The following PCSK6 variants were observed in gnomAD, a reference collection of about 807,000 sequenced individuals.
PCSK6 encodes the protein proprotein convertase subtilisin/kexin type 6.
In PCSK6, 85 loss-of-function variants were observed where a neutral mutation model predicts 123.3. The ratio of observed to expected loss-of-function variants is 0.69; its 90% confidence interval spans 0.58 to 0.83. The LOEUF (loss-of-function observed/expected upper bound fraction) is 0.83, where lower values mean the gene tolerates loss of function less well. PCSK6 is among the 40% of genes least tolerant of loss of function. PCSK6 has a pLI of 0.00. For synonymous variants in PCSK6, 508 were observed against 516.0 expected (o/e 0.98, Z 0.21); for missense variants, 1,191 against 1,282.3 (o/e 0.93, Z 1.09).
At chr15:101,419,877 C>G (rs1385186881) in intron 6 of PCSK6, among the ~76,000 whole-genome samples, 2 of 151,800 alleles carry the variant, frequency 1.3e-5, no homozygotes, top group Non-Finnish European at 2.9e-5. Context: ...GAAATAAATT[C>G]CATATGGATC....
At chr15:101,482,305 T>C (rs973720848) in intron 1 of PCSK6, among the ~76,000 whole-genome samples, 7 of 152,126 alleles carry the variant, frequency 4.6e-5, no homozygotes, top group Non-Finnish European at 1.0e-4. Context: ...TTCGGAGCAA[T>C]AGTCAGGAGA....
At chr15:101,476,645 A>G (rs1417471738) in intron 1 of PCSK6, among the ~76,000 whole-genome samples, 1 of 152,126 alleles carries the variant, frequency 6.6e-6, no homozygotes, top group Non-Finnish European at 1.5e-5. Flanking sequence ...CAGGACACAT[A>G]TACTAATGTG....
At chr15:101,332,583 TGA>T (rs1459861598) in intron 13 of PCSK6, among the ~76,000 whole-genome samples, 32 of 152,194 alleles carry the variant, frequency 2.1e-4, no homozygotes, top group Middle Eastern at 3.4e-3. Context: ...CCCAGGACAG[TGA>T]GGGATGTTCT....
chr15:101,389,324 G>A, intron 9 of PCSK6, 140 bp downstream of exon 9: 1 of 673,138 alleles, frequency 1.5e-6, no homozygotes, highest in South Asian at 1.7e-5. Flanking sequence ...GAGGGATGGT[G>A]GTGCAGGTGC....
At chr15:101,313,642 G>T in intron 19 of PCSK6, 137 bp from the exon 20 acceptor site, 1 of 1,346,918 alleles carries the variant, frequency 7.4e-7, no homozygotes, top group Non-Finnish European at 9.9e-7. Context: ...CCATTTCCCA[G>T]GTTCTGTGAG....
intron 6 of PCSK6, among the ~76,000 whole-genome samples, chr15:101,413,496 G>A (rs914008692): frequency 9.2e-5 from 14 of 151,920 alleles, no homozygotes; most frequent in Non-Finnish European, 1.5e-4. Context: ...AAATACAGAG[G>A]AAAATAATAG....
chr15:101,395,540 C>T (rs577127398), intron 7 of PCSK6, among the ~76,000 whole-genome samples: 27 of 152,266 alleles, frequency 1.8e-4, no homozygotes, highest in African/African-American at 4.6e-4. Flanking sequence ...GGAAATGAGG[C>T]GAGGAAACAG....
At chr15:101,384,123 C>T in intron 10 of PCSK6, 199 bp downstream of exon 10, 1 of 1,378,564 alleles carries the variant, frequency 7.3e-7, no homozygotes, top group Non-Finnish European at 9.4e-7. Flanking sequence ...CTCTTGTGAC[C>T]TGAGGGTTCT....
intron 1 of PCSK6, among the ~76,000 whole-genome samples, chr15:101,456,962 G>A (rs2412009): frequency 0.72 from 110,104 of 151,886 alleles, 40,816 homozygotes; most frequent in Non-Finnish European, 0.82. Flanking sequence ...ACCTGGGGTC[G>A]GGATTTCGAG....
At chr15:101,317,698 T>C (rs1478419894) in intron 19 of PCSK6, among the ~76,000 whole-genome samples, 1 of 152,220 alleles carries the variant, frequency 6.6e-6, no homozygotes, top group Admixed American at 6.5e-5. Context: ...AGATGGCTTA[T>C]GAGTGGTGAG....
At chr15:101,415,630 T>C (rs920958101) in intron 6 of PCSK6, among the ~76,000 whole-genome samples, 8 of 152,310 alleles carry the variant, frequency 5.3e-5, no homozygotes, top group East Asian at 3.9e-4. Flanking sequence ...AACACTGATA[T>C]GGTTTGGCTG....
At position 101,442,440 on chromosome 15, in the gene PCSK6, T is replaced by C. The variant is rs568405753; in HGVS notation, c.402+1116A>G. ...GCTCCATGGGGACCACTTCCTCATA[T>C]GCTTCAAATCAAAACCCTCACCATG... On this transcript the variant is annotated intron_variant, in intron 2 of 21. Coordinates refer to ENST00000611716, the MANE Select transcript of PCSK6 (RefSeq NM_002570.5). 2.8e-4 allele frequency among the ~76,000 whole-genome samples: 42 copies of C among 152,268 alleles called. 1 individual carries two copies. In the East Asian group the frequency reaches 7.9e-3, roughly 29 times the overall value.
rs751816504 is a variant in PCSK6 at position 101,332,070 on chromosome 15, C to T, written c.1859-39G>A. 6.5e-6 allele frequency: 10 copies of T among 1,537,998 alleles called. No homozygotes were observed. The South Asian group carries it at 7.4e-5, about 11-fold the overall frequency. On this transcript the variant is annotated intron_variant, in intron 13 of 21. Transcript: ENST00000611716. ...AACCCACAGAGTTACCTGCCTGTGC[C>T]AAGACCTCTGTCACTCACAGAAATA...
At position 101,339,289 on chromosome 15, in the gene PCSK6, T is replaced by C. The variant is rs1407964201; in HGVS notation, c.1859-7258A>G. 3.3e-5 allele frequency among the ~76,000 whole-genome samples: 5 copies of C among 152,262 alleles called. No individual in the cohort carries two copies. In the East Asian group the frequency reaches 9.6e-4, roughly 29 times the overall value. On this transcript the variant is annotated intron_variant, in intron 13 of 21. Transcript: ENST00000611716. ...TCCCCCTATGTCCCCATACTTAAAATATGCAGGAAGAAATTCCTTAATTGA... is the reference window on the plus strand; with the variant it reads ...TCCCCCTATGTCCCCATACTTAAAACATGCAGGAAGAAATTCCTTAATTGA...
intron 2 of PCSK6, among the ~76,000 whole-genome samples, chr15:101,435,513 C>T (rs978142149): frequency 2.0e-5 from 3 of 152,216 alleles, no homozygotes; most frequent in Admixed American, 1.3e-4. Flanking sequence ...ATTTCTTTAA[C>T]GTCATACTTT....
At chr15:101,335,777 T>C (rs2040464215) in intron 13 of PCSK6, among the ~76,000 whole-genome samples, 1 of 152,216 alleles carries the variant, frequency 6.6e-6, no homozygotes, top group Admixed American at 6.5e-5. Context: ...GGATACCTCC[T>C]GAGAAATGCA....
chr15:101,417,039 C>T (rs1490009970), intron 6 of PCSK6, among the ~76,000 whole-genome samples: 1 of 152,182 alleles, frequency 6.6e-6, no homozygotes, highest in Non-Finnish European at 1.5e-5. Flanking sequence ...TCCTCCAGAC[C>T]CCAGAATAGT....
At chr15:101,361,226 C>G (rs2041213704) in intron 13 of PCSK6, among the ~76,000 whole-genome samples, 1 of 142,456 alleles carries the variant, frequency 7.0e-6, no homozygotes, top group African/African-American at 2.6e-5. Context: ...CTCTAGTGAT[C>G]TGGAAGGTTG....
At chr15:101,479,131 G>A (rs1471228282) in intron 1 of PCSK6, among the ~76,000 whole-genome samples, 4 of 152,190 alleles carry the variant, frequency 2.6e-5, no homozygotes, top group Non-Finnish European at 4.4e-5. Flanking sequence ...CACCCCGCAC[G>A]CCATGGCCGA....
Sources: allele counts gnomAD v4.1 joint callset (sites outside exome capture counted in the v4.1 genomes callset), GRCh38; gene constraint gnomAD v4.1.1; transcripts MANE v1.5; gene names NCBI Gene and HGNC (gene_info 2026-07-23, HGNC 2026-07-21).